The following GALNT10 variants were observed in gnomAD, a reference collection of about 807,000 sequenced individuals.
The protein encoded by GALNT10 is GalNAc transferase 10.
GALNT10 carries 41 observed loss-of-function variants against 75.0 expected under a neutral mutation model. The ratio of observed to expected loss-of-function variants is 0.55; its 90% CI spans 0.43 to 0.71. The LOEUF (loss-of-function observed/expected upper bound fraction) is 0.71. GALNT10 is among the 30% of genes least tolerant of loss of function. GALNT10 has a pLI of 0.00. For synonymous variants in GALNT10, 302 were observed against 313.0 expected, an observed-to-expected ratio of 0.96 and a Z score of 0.37; for missense variants, 727 against 818.5, an observed-to-expected ratio of 0.89 and a Z score of 1.36.
At chr5:154,306,055 T>A (rs1232941700) in intron 3 of GALNT10, among the ~76,000 whole-genome samples, 6 of 152,000 alleles carry the variant, frequency 3.9e-5, no homozygotes, top group Non-Finnish European at 7.4e-5. Context: ...AGGAGAAATT[T>A]AAAAAGCCAC....
intron 1 of GALNT10, among the ~76,000 whole-genome samples, chr5:154,249,178 C>T (rs528105127): frequency 6.6e-5 from 10 of 152,298 alleles, no homozygotes; most frequent in African/African-American, 2.2e-4. Flanking sequence ...CTAGTCTTGA[C>T]GTGCATTTGT....
intron 3 of GALNT10, among the ~76,000 whole-genome samples, chr5:154,320,692 A>G (rs1490465842): frequency 1.3e-5 from 2 of 152,232 alleles, no homozygotes; most frequent in African/African-American, 4.8e-5. Context: ...TGCTGGATGA[A>G]ATGATCAAAA....
intron 4 of GALNT10, among the ~76,000 whole-genome samples, chr5:154,359,621 C>T (rs1386778970): frequency 6.6e-6 from 1 of 151,764 alleles, no homozygotes; most frequent in Non-Finnish European, 1.5e-5. Flanking sequence ...TTCCCCATCA[C>T]CCTACCAGAG....
At chr5:154,253,957 T>C (rs566446524) in intron 1 of GALNT10, among the ~76,000 whole-genome samples, 12 of 152,150 alleles carry the variant, frequency 7.9e-5, no homozygotes, top group Non-Finnish European at 1.6e-4. Flanking sequence ...CCTTCAGACC[T>C]GCTCACTGTG....
intron 3 of GALNT10, among the ~76,000 whole-genome samples, chr5:154,305,134 A>T (rs1754412545): frequency 6.6e-6 from 1 of 151,432 alleles, no homozygotes; most frequent in Non-Finnish European, 1.5e-5. Context: ...TTCTAAAATT[A>T]AAAAAATATA....
At chr5:154,415,643 T>C in intron 10 of GALNT10, 140 bp from the exon 11 acceptor site, 3 of 844,972 alleles carry the variant, frequency 3.6e-6, no homozygotes, top group Admixed American at 2.5e-5. Context: ...TTAGTAACTT[T>C]TAAAGCTAGG....
At position 154,246,604 on chromosome 5, in the gene GALNT10, C is replaced by T. The variant is rs561609419; in HGVS notation, c.160-48212C>T. Among the ~76,000 whole-genome samples the T allele has an allele frequency of 2.0e-5, 3 of 152,286 alleles. No individual in the cohort carries two copies. The South Asian group carries it at 6.2e-4, about 32-fold the overall frequency. On this transcript the variant is annotated intron_variant, in intron 1 of 11. Coordinates refer to ENST00000297107, the MANE Select transcript of GALNT10 (RefSeq NM_198321.4). ...ATGTGCCTTTTGGCTGTATAAATGT[C>T]TTCTTTTGAGAAGTGTCTGTTCATA...
intron 1 of GALNT10, among the ~76,000 whole-genome samples, chr5:154,244,574 G>T (rs538867837): frequency 6.6e-6 from 1 of 152,164 alleles, no homozygotes; most frequent in African/African-American, 2.4e-5. Context: ...GTGCTTATCC[G>T]TGTAATAAGT....
At chr5:154,317,566 T>C (rs755116779) in intron 3 of GALNT10, among the ~76,000 whole-genome samples, 1 of 152,182 alleles carries the variant, frequency 6.6e-6, no homozygotes, top group Non-Finnish European at 1.5e-5. Context: ...AGCAAAGTTC[T>C]CCTATAGCAG....
chr5:154,237,745 G>C (rs1753268377), intron 1 of GALNT10, among the ~76,000 whole-genome samples: 1 of 152,190 alleles, frequency 6.6e-6, no homozygotes, highest in South Asian at 2.1e-4. Flanking sequence ...ATGCGTAGAT[G>C]GGGGTTATGG....
At chr5:154,359,533 CT>C (rs1225133030) in intron 4 of GALNT10, among the ~76,000 whole-genome samples, 1 of 67,182 alleles carries the variant, frequency 1.5e-5, no homozygotes. Flanking sequence ...CTGTTTCTTT[CT>C]TTAAAAAAAA....
chr5:154,347,087 A>AT, intron 4 of GALNT10: 1 of 491,614 alleles, frequency 2.0e-6, no homozygotes, highest in South Asian at 1.5e-5. Context: ...GAACAGTAAT[A>AT]AATGTCACCA....
At chr5:154,413,566 C>T (rs139724901) in intron 10 of GALNT10, among the ~76,000 whole-genome samples, 1 of 152,308 alleles carries the variant, frequency 6.6e-6, no homozygotes, top group African/African-American at 2.4e-5. Flanking sequence ...AGCCTAGGGG[C>T]ATGGTCAGCC....
At chr5:154,404,600 AT>A (rs1299613692) in intron 8 of GALNT10, among the ~76,000 whole-genome samples, 3 of 152,232 alleles carry the variant, frequency 2.0e-5, no homozygotes, top group Non-Finnish European at 2.9e-5. Context: ...TGGATTCTAA[AT>A]TAATGTGTAT....
At chr5:154,296,499 A>G (rs1754275788) in intron 2 of GALNT10, among the ~76,000 whole-genome samples, 1 of 152,238 alleles carries the variant, frequency 6.6e-6, no homozygotes, top group Non-Finnish European at 1.5e-5. Context: ...AGTAACGAGC[A>G]GTGGAGACAT....
At chr5:154,308,549 C>G (rs770419937) in intron 3 of GALNT10, among the ~76,000 whole-genome samples, 27 of 152,190 alleles carry the variant, frequency 1.8e-4, no homozygotes, top group Non-Finnish European at 2.9e-4. Flanking sequence ...TGTCGGAGAC[C>G]CTGAGAACTA....
chr5:154,412,965 G>GCGTCCGAGGC lies in GALNT10; in HGVS notation c.1467_1476dup (p.Gly493ProfsTer36). 1 of 1,613,392 alleles carries GCGTCCGAGGC rather than the reference G, an allele frequency of 6.2e-7. No homozygotes were observed. The highest frequency in any genetic ancestry group is 8.5e-7 in the Non-Finnish European group (1 of 1,179,656). The stretch of plus-strand genomic sequence containing the variant: ...GGCTCCCCACTAAGGCTAGAGGGCT[G>GCGTCCGAGGC]CGTCCGAGGCCGTGGGGAGGCTGCC... On this transcript the variant is annotated frameshift_variant, in exon 10 of 12. Transcript: ENST00000297107. LOFTEE classifies it high-confidence loss of function. The surrounding 1 kb of genome is among the most constrained non-coding windows in gnomAD (Gnocchi z 4.2).
At chr5:154,337,891 C>A in intron 4 of GALNT10, 4 of 1,276,628 alleles carry the variant, frequency 3.1e-6, no homozygotes, top group Non-Finnish European at 4.5e-6. Flanking sequence ...TTTGACAGGG[C>A]TTTCCTAACT....
intron 4 of GALNT10, among the ~76,000 whole-genome samples, chr5:154,365,798 T>TC (rs996473165): frequency 6.6e-6 from 1 of 152,034 alleles, no homozygotes; most frequent in African/African-American, 2.4e-5. Context: ...TTCTAAATTT[T>TC]CCCCCCAGAA....
Sources: allele counts gnomAD v4.1 joint callset (sites outside exome capture counted in the v4.1 genomes callset), GRCh38; gene constraint gnomAD v4.1.1; non-coding constraint Gnocchi (gnomAD v3.1); transcripts MANE v1.5; gene names NCBI Gene and HGNC (gene_info 2026-07-23, HGNC 2026-07-21).